The following DNAH8 variants were observed in gnomAD, a reference collection of about 807,000 sequenced individuals.
DNAH8 encodes the protein axonemal beta dynein heavy chain 8.
In DNAH8, 382 loss-of-function variants were observed where a neutral mutation model predicts 562.1. The ratio of observed to expected loss-of-function variants is 0.68; its 90% CI spans 0.63 to 0.74. The LOEUF (loss-of-function observed/expected upper bound fraction) is 0.74. Among genes scored for constraint, DNAH8 ranks in the 30% least tolerant of loss-of-function variants. DNAH8 has a pLI of 0.00. For synonymous variants in DNAH8, 1,881 were observed against 1,919.4 expected (o/e 0.98, Z 0.52); for missense variants, 5,203 against 5,620.4 (o/e 0.93, Z 2.37).
At chr6:38,731,381 A>G (rs898285594) in intron 4 of DNAH8, among the ~76,000 whole-genome samples, 3 of 151,928 alleles carry the variant, frequency 2.0e-5, no homozygotes, top group African/African-American at 7.3e-5. Flanking sequence ...TGGCTGTTTA[A>G]TTTTGATAAT....
intron 1 of DNAH8, among the ~76,000 whole-genome samples, chr6:38,722,573 G>A (rs1232967345): frequency 1.7e-5 from 1 of 57,522 alleles, no homozygotes; most frequent in Non-Finnish European, 3.7e-5. Flanking sequence ...AAAGCTCCCA[G>A]GTGGGTGGGG....
chr6:39,007,362 A>T (rs1478749185), intron 88 of DNAH8, among the ~76,000 whole-genome samples: 3 of 152,218 alleles, frequency 2.0e-5, no homozygotes. Context: ...CAAGCCACTA[A>T]TCTCAAGCAT....
intron 56 of DNAH8, among the ~76,000 whole-genome samples, chr6:38,884,622 C>T (rs1260381141): frequency 6.6e-6 from 1 of 152,114 alleles, no homozygotes; most frequent in Non-Finnish European, 1.5e-5. Context: ...GCAAATGCCT[C>T]CTCTCTCTTT....
intron 21 of DNAH8, among the ~76,000 whole-genome samples, chr6:38,799,335 G>A (rs143128822): frequency 8.6e-5 from 13 of 151,794 alleles, no homozygotes; most frequent in African/African-American, 2.7e-4. Flanking sequence ...CTGTCTTCTC[G>A]GTGACCTTGT....
chr6:38,734,452 A>C (rs1229061324), intron 4 of DNAH8, 22 bp from the exon 5 acceptor site: 2 of 1,612,242 alleles, frequency 1.2e-6, no homozygotes, highest in Non-Finnish European at 1.7e-6. Context: ...TTATACGCTA[A>C]GTTCTTGACT....
chr6:38,911,097 A>G (rs1216476102), intron 65 of DNAH8, among the ~76,000 whole-genome samples: 1 of 152,200 alleles, frequency 6.6e-6, no homozygotes, highest in Non-Finnish European at 1.5e-5. Flanking sequence ...CATTTCAACC[A>G]CTTATCCCTA....
Position 38,951,372 on chromosome 6 carries a change from T to C in DNAH8, c.12303T>C (p.Ser4101=). Residue 4101 remains serine (S), a synonymous_variant, in exon 82 of 93, where the codon TCT becomes TCC. Coordinates refer to ENST00000327475, the MANE Select transcript of DNAH8 (RefSeq NM_001206927.2). ...AAGCAAGAAAGTATATTGCAGATTCTTTGGAGGAGAAGTACACAGAACCAG... is the reference window on the plus strand; with the variant it reads ...AAGCAAGAAAGTATATTGCAGATTCCTTGGAGGAGAAGTACACAGAACCAG... ...VFQARKYIAD[S]LEEKYTEPVI... 6.2e-7 allele frequency: 1 copy of C among 1,614,206 alleles called. No homozygotes were observed. Among genetic ancestry groups the C allele is most frequent in the Non-Finnish European group, 8.5e-7 (1 of 1,180,028 alleles).
At position 38,921,422 on chromosome 6, in the gene DNAH8, G is replaced by C; in HGVS notation, c.10578G>C (p.Gly3526=). The change falls in exon 71 of 93, where the codon GGG becomes GGC. Residue 3526 remains glycine (G), a synonymous_variant. Transcript: ENST00000327475. ...TAGCAGTTGCTAATGCTGAGTTAGG[G>C]AAGGCACAAGCCCTGCTGGATGAGA... is the stretch of plus-strand genomic sequence containing the variant. ...GRLAVANAEL[G]KAQALLDEKQ... 6.2e-7 allele frequency: 1 copy of C among 1,613,734 alleles called. No individual in the cohort carries two copies. The highest frequency in any genetic ancestry group is 1.3e-5 in the African/African-American group (1 of 75,046).
chr6:38,793,792 A>C (rs1037327498), intron 21 of DNAH8, among the ~76,000 whole-genome samples: 3 of 152,108 alleles, frequency 2.0e-5, no homozygotes, highest in African/African-American at 7.2e-5. Flanking sequence ...GACATTAAAA[A>C]ATATTTTATA....
In DNAH8 at chr6:38,945,577, A is replaced by G; in HGVS notation, c.12118A>G (p.Ile4040Val). ...GAGTAAACTTCCACAATTTGCAGAA[A>G]TTATGAACCAGGTAATACAATAAAG... ...ELSKLPQFAEIMNQISRNEKG... is the reference protein window; with the variant it reads ...ELSKLPQFAEVMNQISRNEKG... The change falls in exon 80 of 93, where the codon ATT becomes GTT. Residue 4040 changes from isoleucine (I) to valine (V), a missense_variant. Ile to Val is a conservative substitution (Grantham distance 29). This residue lies in a region of DNAH8 where 1,399 missense variants were observed against 1,518.4 expected (regional missense o/e 0.92). Coordinates refer to ENST00000327475, the MANE Select transcript of DNAH8 (RefSeq NM_001206927.2). The G allele has an allele frequency of 5.0e-6, 8 of 1,614,074 alleles. No individual in the cohort carries two copies. The highest frequency in any genetic ancestry group is 1.1e-5 in the South Asian group (1 of 91,070).
chr6:38,725,823 A>G (rs934623994), intron 3 of DNAH8, among the ~76,000 whole-genome samples: 3 of 152,156 alleles, frequency 2.0e-5, no homozygotes, highest in African/African-American at 7.2e-5. Flanking sequence ...ATTTTGCACT[A>G]TGTTCATCAA....
chr6:38,737,791 C>CT lies in DNAH8; in HGVS notation c.953-10dup, dbSNP rs771138717. 53 of 1,317,018 alleles carry CT rather than the reference C, an allele frequency of 4.0e-5. 1 individual carries two copies. Among genetic ancestry groups the CT allele is most frequent in the South Asian group, 1.2e-4 (6 of 51,082 alleles). The allele number at this position is 1,317,018 out of a possible 1,614,324, so 81.6% of individuals were successfully genotyped here. A position where few individuals can be genotyped will look rare whatever the true frequency, so the allele number is the denominator to read the frequency against. The stretch of plus-strand genomic sequence containing the variant: ...TAATATATAAATTAGTATTAAATGT[C>CT]TTTTTTTTCCTTTTTAGGTGCTAGA... On this transcript the variant is annotated splice_polypyrimidine_tract_variant and intron_variant, in intron 6 of 92. Coordinates refer to ENST00000327475, the MANE Select transcript of DNAH8 (RefSeq NM_001206927.2).
At chr6:39,022,670 A>G (rs1356109394) in intron 91 of DNAH8, among the ~76,000 whole-genome samples, 1 of 152,186 alleles carries the variant, frequency 6.6e-6, no homozygotes, top group Non-Finnish European at 1.5e-5. Flanking sequence ...GTAAGCAGAG[A>G]TTCAAGAAAC....
At chr6:38,876,861 A>G (rs575010136) in intron 53 of DNAH8, among the ~76,000 whole-genome samples, 5 of 152,294 alleles carry the variant, frequency 3.3e-5, no homozygotes, top group Admixed American at 2.6e-4. Flanking sequence ...TCATACCAAA[A>G]CTGGGGATTA....
At chr6:38,741,648 C>G (rs1253171113) in intron 7 of DNAH8, 63 bp from the exon 8 acceptor site, 1 of 1,374,828 alleles carries the variant, frequency 7.3e-7, no homozygotes, top group African/African-American at 1.5e-5. Flanking sequence ...CAAAAAGATG[C>G]AATCAGATTT....
chr6:38,817,635 C>T (rs1338700460), intron 26 of DNAH8, among the ~76,000 whole-genome samples: 1 of 152,142 alleles, frequency 6.6e-6, no homozygotes, highest in Non-Finnish European at 1.5e-5. Flanking sequence ...CCCCAGAGGG[C>T]AGAGCTTCAA....
Position 38,823,578 on chromosome 6 carries a change from A to G in DNAH8, c.3737A>G (p.Asn1246Ser). ...DVKVKEFLAN[N>S]PSLTEIRSEI... The stretch of plus-strand genomic sequence containing the variant: ...TTACCACAGGAATTTTTGGCTAACA[A>G]CCCCTCTCTGACTGAAATCAGATCA... The change falls in exon 28 of 93, where the codon AAC (asparagine) becomes AGC (serine). Residue 1246 changes from asparagine to serine, a missense_variant. Asn to Ser is a conservative substitution (Grantham distance 46, BLOSUM62 1). Around this residue, in one of 6 missense-constraint regions of DNAH8, gnomAD observed 2,176 missense variants for 2,365.1 expected, o/e 0.92. Coordinates refer to ENST00000327475, the MANE Select transcript of DNAH8 (RefSeq NM_001206927.2). The G allele has an allele frequency of 7.5e-6, 12 of 1,609,232 alleles. No homozygotes were observed. The highest frequency in any genetic ancestry group is 1.0e-5 in the Non-Finnish European group (12 of 1,176,276).
intron 63 of DNAH8, among the ~76,000 whole-genome samples, chr6:38,907,027 A>AAAATCTG (rs1339621654): frequency 2.0e-5 from 3 of 152,212 alleles, no homozygotes; most frequent in Non-Finnish European, 4.4e-5. Context: ...AAATCTGAAA[A>AAAATCTG]AAATCTGAAA....
intron 32 of DNAH8, among the ~76,000 whole-genome samples, chr6:38,836,715 G>C (rs1774335260): frequency 6.6e-6 from 1 of 152,034 alleles, no homozygotes; most frequent in African/African-American, 2.4e-5. Context: ...AGGTGCCAAA[G>C]GCTGGATGTG....
Sources: gnomAD v4.1 joint callset for allele counts (sites outside exome capture counted in the v4.1 genomes callset) on GRCh38, gnomAD v4.1.1 for gene constraint, gnomAD v4.1.1 regional missense constraint, MANE v1.5 for transcripts, NCBI Gene and HGNC (gene_info 2026-07-23, HGNC 2026-07-21) for gene names.